Variants in PEMT observed in about 807,000 individuals in gnomAD.
The protein encoded by PEMT is phosphatidylethanolamine N-methyltransferase, also known as phospholipid methyltransferase.
PEMT carries 23 observed loss-of-function variants against 27.4 expected under a neutral mutation model. The observed-to-expected ratio is 0.84, with a 90% CI of 0.60 to 1.19. The LOEUF (loss-of-function observed/expected upper bound fraction) is 1.19, where lower values mean the gene tolerates loss of function less well. PEMT is among the 50% of genes most tolerant of loss of function. PEMT has a pLI of 0.00. For synonymous variants in PEMT, 137 were observed against 139.1 expected (o/e 0.98, Z 0.11); for missense variants, 307 against 310.1 (o/e 0.99, Z 0.07).
At chr17:17,508,868 C>A in intron 5 of PEMT, 1 of 396,330 alleles carries the variant, frequency 2.5e-6, no homozygotes, top group Non-Finnish European at 5.2e-6. Flanking sequence ...GGAGTTCTGT[C>A]AGCTGCGGGT....
chr17:17,562,053 G>A (rs1567727714), intron 2 of PEMT, among the ~76,000 whole-genome samples: 2 of 152,206 alleles, frequency 1.3e-5, no homozygotes, highest in African/African-American at 2.4e-5. Context: ...CTGGCGTTCC[G>A]GCCCATTGGA....
chr17:17,554,531 C>G (rs548088507), intron 2 of PEMT, among the ~76,000 whole-genome samples: 1 of 152,242 alleles, frequency 6.6e-6, no homozygotes, highest in Non-Finnish European at 1.5e-5. Flanking sequence ...GCGGCACAGG[C>G]TGAGGCAACG....
intron 2 of PEMT, among the ~76,000 whole-genome samples, chr17:17,575,026 G>A (rs560212655): frequency 3.0e-4 from 46 of 152,350 alleles, no homozygotes; most frequent in African/African-American, 9.1e-4. Flanking sequence ...TGTGGCTGCT[G>A]TAACAAATGA....
At chr17:17,570,993 G>C (rs4646348) in intron 2 of PEMT, 2 of 807,496 alleles carry the variant, frequency 2.5e-6, no homozygotes, top group Admixed American at 6.2e-5. Flanking sequence ...AGACTCCCAC[G>C]TAGGGCCACA....
chr17:17,524,703 C>T lies in PEMT; in HGVS notation c.205-2308G>A, dbSNP rs888788377. Reference sequence around the variant, plus strand: ...GCCAAGATGGCACACCACTGTACCCCAGCCTGAAGACAGAGCAAGACCCTG... The same window carrying T: ...GCCAAGATGGCACACCACTGTACCCTAGCCTGAAGACAGAGCAAGACCCTG... On this transcript the variant is annotated intron_variant, in intron 2 of 6. Coordinates refer to ENST00000255389, the MANE Select transcript of PEMT (RefSeq NM_148172.3). Among the ~76,000 whole-genome samples, 13 of 152,232 alleles carry T rather than the reference C, an allele frequency of 8.5e-5. No homozygotes were observed. The East Asian group carries it at 1.4e-3, about 16-fold the overall frequency.
At chr17:17,573,944 G>T (rs1452101516) in intron 2 of PEMT, among the ~76,000 whole-genome samples, 1 of 151,970 alleles carries the variant, frequency 6.6e-6, no homozygotes, top group African/African-American at 2.4e-5. Context: ...ACCACACACG[G>T]CTAATTTTTG....
chr17:17,543,388 C>A (rs1909026108), intron 2 of PEMT, among the ~76,000 whole-genome samples: 1 of 152,216 alleles, frequency 6.6e-6, no homozygotes, highest in African/African-American at 2.4e-5. Context: ...GTGGCCCTTC[C>A]AAGCATGTGG....
At chr17:17,526,550 CT>C (rs889699275) in intron 2 of PEMT, among the ~76,000 whole-genome samples, 2 of 152,266 alleles carry the variant, frequency 1.3e-5, no homozygotes, top group East Asian at 1.9e-4. Context: ...GTCTCTCCCC[CT>C]ATCCGTGGCT....
chr17:17,534,621 G>A lies in PEMT; in HGVS notation c.205-12226C>T, dbSNP rs1908326836. Among the ~76,000 whole-genome samples the A allele has an allele frequency of 3.9e-5, 6 of 152,194 alleles. No individual in the cohort carries two copies. In the South Asian group the frequency reaches 1.2e-3, roughly 32 times the overall value. ...GGAGGCCAAGGCAGGAGGATTGCTT[G>A]AACCCAGGAGTTTGAGACAAGATTG... On this transcript the variant is annotated intron_variant, in intron 2 of 6. Transcript: ENST00000255389.
intron 2 of PEMT, among the ~76,000 whole-genome samples, chr17:17,526,428 C>T (rs1429589635): frequency 1.3e-5 from 2 of 152,238 alleles, no homozygotes; most frequent in East Asian, 1.9e-4. Context: ...AAAAACAGGA[C>T]GGACAGTACC....
intron 2 of PEMT, among the ~76,000 whole-genome samples, chr17:17,574,042 C>A (rs1339002453): frequency 6.6e-6 from 1 of 151,982 alleles, no homozygotes; most frequent in Non-Finnish European, 1.5e-5. Context: ...GGGCTTCTGG[C>A]ATCACAGAGC....
intron 1 of PEMT, among the ~76,000 whole-genome samples, chr17:17,588,271 T>G (rs1238793846): frequency 1.3e-5 from 2 of 152,180 alleles, no homozygotes; most frequent in Non-Finnish European, 2.9e-5. Context: ...TTATTTCAAC[T>G]AAAGTAATAC....
chr17:17,507,343 T>C (rs370870113), intron 5 of PEMT: 48 of 678,944 alleles, frequency 7.1e-5, no homozygotes, highest in African/African-American at 4.8e-4. Context: ...AGCTGCCCCC[T>C]CCCCAGCCAA....
intron 2 of PEMT, among the ~76,000 whole-genome samples, chr17:17,528,088 G>A (rs1169257322): frequency 6.6e-6 from 1 of 152,236 alleles, no homozygotes. Context: ...GTGTTTCCAC[G>A]AGCTTTGCCA....
At chr17:17,583,462 C>T (rs1351962911) in intron 1 of PEMT, among the ~76,000 whole-genome samples, 1 of 152,208 alleles carries the variant, frequency 6.6e-6, no homozygotes, top group Non-Finnish European at 1.5e-5. Flanking sequence ...AGCCAGCCCC[C>T]TAACCCTGTT....
At chr17:17,586,227 A>G (rs1477743548) in intron 1 of PEMT, among the ~76,000 whole-genome samples, 1 of 78,698 alleles carries the variant, frequency 1.3e-5, no homozygotes, top group Admixed American at 1.2e-4. Context: ...AAAGAAAGAA[A>G]GAAAGAAAGA....
chr17:17,506,153 C>A, intron 6 of PEMT, 74 bp downstream of exon 6: 1 of 1,283,008 alleles, frequency 7.8e-7, no homozygotes, highest in Non-Finnish European at 1.1e-6. Context: ...GCCCTGGCCA[C>A]AAGGAAAGGT....
Position 17,576,980 on chromosome 17 carries a change from C to T in PEMT, c.144G>A (p.Leu48=). 1 of 1,614,058 alleles carries T rather than the reference C, an allele frequency of 6.2e-7. No individual in the cohort carries two copies. Among genetic ancestry groups the T allele is most frequent in the South Asian group, 1.1e-5 (1 of 91,076 alleles). Residue 48 remains leucine (L), a synonymous_variant, in exon 2 of 7, where the codon CTG becomes CTA. Transcript: ENST00000255389. The part of the protein sequence containing the change: ...MTRLLGYVDP[L]DPSFVAAVIT... Reference sequence around the variant, plus strand: ...TGACGGCAGCCACAAAGCTGGGATCCAGGGGGTCCACGTAGCCCAGCAGCC... The same window carrying T: ...TGACGGCAGCCACAAAGCTGGGATCTAGGGGGTCCACGTAGCCCAGCAGCC...
intron 2 of PEMT, among the ~76,000 whole-genome samples, chr17:17,564,275 G>T (rs1910680939): frequency 6.6e-6 from 1 of 152,158 alleles, no homozygotes; most frequent in Non-Finnish European, 1.5e-5. Context: ...ACTCCTGGCA[G>T]GGAGTGAGGA....
Sources: gnomAD v4.1 joint callset for allele counts (sites outside exome capture counted in the v4.1 genomes callset) on GRCh38, gnomAD v4.1.1 for gene constraint, MANE v1.5 for transcripts, NCBI Gene and HGNC (gene_info 2026-07-23, HGNC 2026-07-21) for gene names.